Variants in KIF6 observed in about 807,000 individuals in gnomAD.
KIF6 encodes kinesin-like protein KIF6.
KIF6 carries 106 observed loss-of-function variants against 112.7 expected under a neutral mutation model. That is an observed-to-expected ratio of 0.94 (90% CI 0.80 to 1.11). The LOEUF (loss-of-function observed/expected upper bound fraction) is 1.11. KIF6 is among the 50% of genes least tolerant of loss of function. KIF6 has a pLI of 0.00. For missense variants in KIF6, 929 were observed against 964.0 expected (o/e 0.96, Z 0.48); for synonymous variants, 339 against 339.9 (o/e 1.00, Z 0.03).
chr6:39,695,045 G>T (rs1223851898), intron 3 of KIF6, among the ~76,000 whole-genome samples: 1 of 152,010 alleles, frequency 6.6e-6, no homozygotes, highest in East Asian at 1.9e-4. Context: ...TTTTGGCAAA[G>T]TTAACAAAAA....
At chr6:39,590,451 A>ATATATATT (rs1338373703) in intron 7 of KIF6, among the ~76,000 whole-genome samples, 19 of 84,746 alleles carry the variant, frequency 2.2e-4, no homozygotes, top group Non-Finnish European at 3.6e-4. Flanking sequence ...ATATATATAT[A>ATATATATT]TTTTTTTTTT....
chr6:39,680,295 A>C (rs1173256573), intron 3 of KIF6, among the ~76,000 whole-genome samples: 1 of 152,240 alleles, frequency 6.6e-6, no homozygotes, highest in African/African-American at 2.4e-5. Context: ...GGCATGAGCC[A>C]CCATGCCCGG....
intron 21 of KIF6, among the ~76,000 whole-genome samples, chr6:39,344,041 T>A (rs1763520645): frequency 6.6e-6 from 1 of 152,154 alleles, no homozygotes; most frequent in Non-Finnish European, 1.5e-5. Context: ...CTGATATGGT[T>A]TGGCTGTGTC....
At chr6:39,382,662 A>G (rs2150309034) in intron 16 of KIF6, among the ~76,000 whole-genome samples, 1 of 151,794 alleles carries the variant, frequency 6.6e-6, no homozygotes, top group Middle Eastern at 3.4e-3. Context: ...AGAATGATTT[A>G]TTTTTCTTTT....
chr6:39,618,399 T>C (rs536438000), intron 5 of KIF6, among the ~76,000 whole-genome samples: 1 of 152,272 alleles, frequency 6.6e-6, no homozygotes, highest in South Asian at 2.1e-4. Context: ...GGACCCCCTA[T>C]TGGCCACGGG....
At chr6:39,407,122 G>GTT (rs199817053) in intron 15 of KIF6, among the ~76,000 whole-genome samples, 18 of 148,670 alleles carry the variant, frequency 1.2e-4, no homozygotes, top group East Asian at 7.8e-4. Flanking sequence ...AAAGACTCCT[G>GTT]TTTTTTTTTT....
At chr6:39,649,720 T>TGAAAGAAAGAAA (rs1561897186) in intron 3 of KIF6, among the ~76,000 whole-genome samples, 1 of 120,642 alleles carries the variant, frequency 8.3e-6, no homozygotes, top group East Asian at 2.6e-4. Context: ...AACACTCTGA[T>TGAAAGAAAGAAA]TAAAGAAAGA....
chr6:39,707,264 C>G (rs925405840), intron 3 of KIF6, among the ~76,000 whole-genome samples: 1 of 152,232 alleles, frequency 6.6e-6, no homozygotes, highest in Non-Finnish European at 1.5e-5. Context: ...GCCCCCTTCT[C>G]TTTAAAACAC....
At chr6:39,503,976 A>C (rs1461821828) in intron 13 of KIF6, among the ~76,000 whole-genome samples, 1 of 152,182 alleles carries the variant, frequency 6.6e-6, no homozygotes. Flanking sequence ...AAAAAGTTGA[A>C]AAGGAGGGAC....
chr6:39,544,738 ATTTC>A, intron 11 of KIF6, 45 bp from the exon 12 acceptor site: 1 of 1,244,680 alleles, frequency 8.0e-7, no homozygotes, highest in Non-Finnish European at 1.1e-6. Context: ...TCTAGTCCAA[ATTTC>A]TTTGTTTCTT....
At chr6:39,595,606 T>C (rs1782207258) in intron 7 of KIF6, among the ~76,000 whole-genome samples, 1 of 152,178 alleles carries the variant, frequency 6.6e-6, no homozygotes, top group African/African-American at 2.4e-5. Context: ...AGACATACAA[T>C]TGGATATTGT....
At chr6:39,462,312 G>C (rs1773526941) in intron 13 of KIF6, among the ~76,000 whole-genome samples, 1 of 152,162 alleles carries the variant, frequency 6.6e-6, no homozygotes, top group Non-Finnish European at 1.5e-5. Flanking sequence ...ATTATGTAAT[G>C]TCTGGAGCTA....
intron 3 of KIF6, among the ~76,000 whole-genome samples, chr6:39,685,414 A>G (rs1787801537): frequency 6.6e-6 from 1 of 152,176 alleles, no homozygotes; most frequent in African/African-American, 2.4e-5. Flanking sequence ...GGGTCTATTT[A>G]CTCAGCGAAG....
intron 20 of KIF6, among the ~76,000 whole-genome samples, chr6:39,346,077 T>TCC (rs1562112750): frequency 1.3e-3 from 35 of 27,416 alleles, no homozygotes; most frequent in African/African-American, 0.011. Flanking sequence ...TCTCTCTCTC[T>TCC]CTCTCTCTCC....
intron 5 of KIF6, among the ~76,000 whole-genome samples, chr6:39,625,457 A>G (rs1784043102): frequency 1.3e-5 from 2 of 152,158 alleles, no homozygotes; most frequent in African/African-American, 4.8e-5. Flanking sequence ...GCCAAGACAT[A>G]GAGTAGGACT....
Position 39,684,165 on chromosome 6 carries a change from A to T in KIF6, c.251+30527T>A, listed in dbSNP as rs548874334. Among the ~76,000 whole-genome samples, 8 of 152,296 alleles carry T rather than the reference A, an allele frequency of 5.3e-5. 1 individual carries two copies. The South Asian group carries it at 1.7e-3, about 32-fold the overall frequency. ...CCCTGCAGCAGATACTCATGAAGGG[A>T]GACACAGGACACTTCCATAGCTACC... On this transcript the variant is annotated intron_variant, in intron 3 of 22. Coordinates refer to ENST00000287152, the MANE Select transcript of KIF6 (RefSeq NM_145027.6).
intron 6 of KIF6, among the ~76,000 whole-genome samples, chr6:39,612,350 T>A (rs75063884): frequency 0.093 from 14,117 of 152,094 alleles, 692 homozygotes; most frequent in Middle Eastern, 0.14. Context: ...GTGAAAACAG[T>A]AAGCTGTTCA....
At chr6:39,658,705 T>C (rs1785948557) in intron 3 of KIF6, among the ~76,000 whole-genome samples, 1 of 152,176 alleles carries the variant, frequency 6.6e-6, no homozygotes, top group African/African-American at 2.4e-5. Context: ...CATTAAATAA[T>C]TTCCCTGTGA....
At chr6:39,360,364 C>G in intron 18 of KIF6, 31 bp downstream of exon 18, 1 of 1,612,770 alleles carries the variant, frequency 6.2e-7, no homozygotes, top group Non-Finnish European at 8.5e-7. Flanking sequence ...CTGGCCCCTC[C>G]CCAGCTTCCC....
Sources: gnomAD v4.1 joint callset for allele counts (sites outside exome capture counted in the v4.1 genomes callset) on GRCh38, gnomAD v4.1.1 for gene constraint, MANE v1.5 for transcripts, NCBI Gene and HGNC (gene_info 2026-07-23, HGNC 2026-07-21) for gene names.